Variants in HRH1 observed in about 807,000 individuals in gnomAD.
HRH1 encodes the protein histamine H1 receptor.
In HRH1, 6 loss-of-function variants were observed where a neutral mutation model predicts 10.3. The observed-to-expected ratio is 0.58, with a 90% CI of 0.32 to 1.15. The LOEUF (loss-of-function observed/expected upper bound fraction) is 1.15. Ranked by LOEUF, HRH1 falls within the 50% of genes most tolerant of loss-of-function variation. The pLI is 0.05. For synonymous variants in HRH1, 242 were observed against 236.7 expected, an observed-to-expected ratio of 1.02 and a Z score of -0.21; for missense variants, 514 against 615.3, an observed-to-expected ratio of 0.84 and a Z score of 1.74.
chr3:11,202,359 C>T (rs1232833405), intron 1 of HRH1, among the ~76,000 whole-genome samples: 3 of 151,452 alleles, frequency 2.0e-5, no homozygotes, highest in East Asian at 3.9e-4. Context: ...GAGCCAAGAT[C>T]ACACCACTGC....
intron 1 of HRH1, among the ~76,000 whole-genome samples, chr3:11,229,263 T>A (rs1938980531): frequency 6.6e-6 from 1 of 152,170 alleles, no homozygotes; most frequent in African/African-American, 2.4e-5. Flanking sequence ...AGACACATCC[T>A]CTTCCTGGAG....
intron 1 of HRH1, among the ~76,000 whole-genome samples, chr3:11,158,605 C>T (rs1936865178): frequency 6.6e-6 from 1 of 152,104 alleles, no homozygotes; most frequent in Non-Finnish European, 1.5e-5. Context: ...TCTTTAATAT[C>T]TCGTGACATG....
chr3:11,194,331 T>C (rs893062498), intron 1 of HRH1, among the ~76,000 whole-genome samples: 2 of 152,148 alleles, frequency 1.3e-5, no homozygotes, highest in African/African-American at 4.8e-5. Flanking sequence ...AACAGTGAAA[T>C]AGGAATAACA....
chr3:11,201,519 G>A (rs1208507755), intron 1 of HRH1, among the ~76,000 whole-genome samples: 1 of 152,184 alleles, frequency 6.6e-6, no homozygotes, highest in Admixed American at 6.5e-5. Context: ...AAGTCACTGT[G>A]TCCTGGATGC....
intron 1 of HRH1, among the ~76,000 whole-genome samples, chr3:11,139,996 T>TA (rs35364633): frequency 4.6e-5 from 7 of 152,158 alleles, no homozygotes; most frequent in African/African-American, 1.4e-4. Context: ...TTTTAGCTCA[T>TA]AAAAAAAATT....
At position 11,259,182 on chromosome 3, in the gene HRH1, C is replaced by G; in HGVS notation, c.145C>G (p.Leu49Val). 1 of 1,613,812 alleles carries G rather than the reference C, an allele frequency of 6.2e-7. No individual in the cohort carries two copies. Among genetic ancestry groups the G allele is most frequent in the Non-Finnish European group, 8.5e-7 (1 of 1,180,000 alleles). ...CACAGTAGGGCTCAACCTGCTGGTG[C>G]TGTATGCCGTACGGAGTGAGCGGAA... is the stretch of plus-strand genomic sequence containing the variant. ...LVTVGLNLLVLYAVRSERKLH... is the reference protein window; with the variant it reads ...LVTVGLNLLVVYAVRSERKLH... The change falls in exon 2 of 2, where the codon CTG becomes GTG. Residue 49 changes from leucine to valine, a missense_variant. Leu to Val is a conservative substitution (Grantham distance 32, BLOSUM62 1). Transcript: ENST00000431010. The surrounding 1 kb of genome is among the most constrained non-coding windows in gnomAD (Gnocchi z 4.6).
At chr3:11,152,626 C>A (rs1316020544), upstream of HRH1, among the ~76,000 whole-genome samples, 1 of 147,552 alleles carries the variant, frequency 6.8e-6, no homozygotes, top group African/African-American at 2.5e-5. Context: ...GCCCCCATCC[C>A]CCCTCCCACC....
At position 11,238,382 on chromosome 3, in the gene HRH1, G is replaced by A. The variant is rs1016618758; in HGVS notation, c.-35-20621G>A. On this transcript the variant is annotated intron_variant, in intron 1 of 1. Coordinates refer to ENST00000431010, the MANE Select transcript of HRH1 (RefSeq NM_001098212.2). ...TGGTTCTGGCTAAAGCAGTTCTTCC[G>A]CTAAGCAACTAGTTTGTTTTCATTT... Among the ~76,000 whole-genome samples, 5 of 152,042 alleles carry A rather than the reference G, an allele frequency of 3.3e-5. 1 individual carries two copies. Among genetic ancestry groups the A allele is most frequent in the East Asian group, 3.9e-4 (2 of 5,192 alleles).
intron 1 of HRH1, among the ~76,000 whole-genome samples, chr3:11,208,907 T>C (rs746164218): frequency 6.6e-6 from 1 of 152,170 alleles, no homozygotes; most frequent in Non-Finnish European, 1.5e-5. Flanking sequence ...CCAAAGAATA[T>C]GTACATTTTA....
chr3:11,255,275 AT>A, intron 1 of HRH1, among the ~76,000 whole-genome samples: 1 of 152,320 alleles, frequency 6.6e-6, no homozygotes, highest in South Asian at 2.1e-4. Flanking sequence ...AAAATAAAAA[AT>A]AACGTAAAAT....
intron 1 of HRH1, among the ~76,000 whole-genome samples, chr3:11,204,902 C>A (rs557850774): frequency 6.6e-6 from 1 of 152,176 alleles, no homozygotes; most frequent in Non-Finnish European, 1.5e-5. Flanking sequence ...TTCCCAGATG[C>A]GAGGTTTCCT....
chr3:11,171,271 C>T (rs1420437821), intron 1 of HRH1, among the ~76,000 whole-genome samples: 1 of 152,118 alleles, frequency 6.6e-6, no homozygotes, highest in South Asian at 2.1e-4. Context: ...CATGCACCAC[C>T]ACACCCGGCT....
At chr3:11,209,306 G>A (rs962584724) in intron 1 of HRH1, among the ~76,000 whole-genome samples, 1 of 152,134 alleles carries the variant, frequency 6.6e-6, no homozygotes, top group African/African-American at 2.4e-5. Flanking sequence ...TGCCCAGGCT[G>A]ATCTTGAACT....
At chr3:11,164,920 C>T (rs1937000640) in intron 1 of HRH1, among the ~76,000 whole-genome samples, 1 of 152,172 alleles carries the variant, frequency 6.6e-6, no homozygotes, top group Non-Finnish European at 1.5e-5. Context: ...GTCCCAGCAG[C>T]AAGGTGCAGG....
chr3:11,249,351 C>T (rs1256753951), intron 1 of HRH1, among the ~76,000 whole-genome samples: 2 of 144,414 alleles, frequency 1.4e-5, no homozygotes, highest in Non-Finnish European at 3.0e-5. Flanking sequence ...TGCAGTGAGC[C>T]GAGATCGCGC....
intron 1 of HRH1, among the ~76,000 whole-genome samples, chr3:11,244,410 A>G (rs757786978): frequency 6.6e-6 from 1 of 152,244 alleles, no homozygotes; most frequent in Non-Finnish European, 1.5e-5. Flanking sequence ...AGTCTTAGAC[A>G]TGAGAGGAGA....
chr3:11,177,292 C>T lies in HRH1; in HGVS notation c.-36+22738C>T, dbSNP rs548123306. On this transcript the variant is annotated intron_variant, in intron 1 of 1. Coordinates refer to ENST00000431010, the MANE Select transcript of HRH1 (RefSeq NM_001098212.2). The stretch of plus-strand genomic sequence containing the variant: ...AAATAAATAAATAAATAAAGTTAAG[C>T]TTGTAATTTTAGGGACTAATGGCAT... Among the ~76,000 whole-genome samples, 110 of 141,902 alleles carry T rather than the reference C, an allele frequency of 7.8e-4. 5 individuals carry two copies. The highest frequency in any genetic ancestry group is 3.4e-4 in the Non-Finnish European group (23 of 66,950). The allele number at this position is 141,902 out of a possible 152,430, so 93.1% of individuals were successfully genotyped here.
Position 11,224,699 on chromosome 3 carries a change from CA to C in HRH1, c.-35-34287del, listed in dbSNP as rs60472027. Among the ~76,000 whole-genome samples, 685 of 100,494 alleles carry C rather than the reference CA, an allele frequency of 6.8e-3. 1 individual carries two copies. The highest frequency in any genetic ancestry group is 0.016 in the African/African-American group (410 of 25,654). 65.9% of individuals were successfully genotyped at this position (100,494 alleles called of 152,430 possible). ...TGGGCGACTGAGCGAGACTCCATCT[CA>C]AAAAAAAAAAAAAAAAGAAATTGGA... On this transcript the variant is annotated intron_variant, in intron 1 of 1. Coordinates refer to ENST00000431010, the MANE Select transcript of HRH1 (RefSeq NM_001098212.2).
At chr3:11,217,930 C>T (rs1938567893) in intron 1 of HRH1, among the ~76,000 whole-genome samples, 1 of 152,102 alleles carries the variant, frequency 6.6e-6, no homozygotes, top group Admixed American at 6.5e-5. Context: ...ATTCACAGGA[C>T]GATCACAGGA....
Sources: allele counts gnomAD v4.1 joint callset (sites outside exome capture counted in the v4.1 genomes callset), GRCh38; gene constraint gnomAD v4.1.1; non-coding constraint Gnocchi (gnomAD v3.1); transcripts MANE v1.5; gene names NCBI Gene and HGNC (gene_info 2026-07-23, HGNC 2026-07-21).